The following MACF1 variants were observed in gnomAD, a reference collection of about 807,000 sequenced individuals.
MACF1 encodes the protein microtubule-actin cross-linking factor 1.
MACF1 carries 193 observed loss-of-function variants against 854.8 expected under a neutral mutation model. The ratio of observed to expected loss-of-function variants is 0.23; its 90% CI spans 0.20 to 0.25. The LOEUF is 0.25. Ranked by LOEUF, MACF1 falls within the 10% of genes least tolerant of loss-of-function variation. The pLI is 1.00. For synonymous variants in MACF1, 3,185 were observed against 3,226.7 expected (o/e 0.99, Z 0.44); for missense variants, 7,722 against 8,929.1 (o/e 0.86, Z 5.45).
At chr1:39,381,756 G>A (rs549129783) in intron 55 of MACF1, among the ~76,000 whole-genome samples, 197 bp from the exon 56 acceptor site, 100 of 152,226 alleles carry the variant, frequency 6.6e-4, no homozygotes, top group African/African-American at 2.4e-3. Context: ...CTTGGGCCCA[G>A]GAGGTTGAGA....
At chr1:39,133,734 T>C (rs1643079538) in intron 2 of MACF1, among the ~76,000 whole-genome samples, 1 of 152,222 alleles carries the variant, frequency 6.6e-6, no homozygotes, top group Non-Finnish European at 1.5e-5. Flanking sequence ...ATATTTAAGA[T>C]TTACTACTTC....
intron 2 of MACF1, among the ~76,000 whole-genome samples, chr1:39,107,974 G>C (rs957818108): frequency 3.3e-5 from 5 of 152,088 alleles, no homozygotes; most frequent in African/African-American, 1.2e-4. Context: ...TGTGAGGGAA[G>C]CAGAGCTGTG....
chr1:39,292,093 A>G, intron 16 of MACF1, 55 bp downstream of exon 16: 1 of 1,599,474 alleles, frequency 6.3e-7, no homozygotes, highest in Non-Finnish European at 8.5e-7. Context: ...AACGGATGAA[A>G]GGACAGTACA....
At chr1:39,410,338 G>A in intron 58 of MACF1, 1 of 1,613,656 alleles carries the variant, frequency 6.2e-7, no homozygotes, top group Non-Finnish European at 8.5e-7. Flanking sequence ...AGAGGAGGAG[G>A]ATGGCTACAT....
chr1:39,269,735 T>C, intron 6 of MACF1: 1 of 1,281,104 alleles, frequency 7.8e-7, no homozygotes. Context: ...GTGGGCATGT[T>C]CAAGAGATAA....
Position 39,409,092 on chromosome 1 carries a change from G to A in MACF1, c.15817-13282G>A, listed in dbSNP as rs1002148559. ...CCAGCCGAGCACTTCCAGCGAGCTAGCGAGCTAGCGGGTCGCGCTGCGCGG... is the reference window on the plus strand; with the variant it reads ...CCAGCCGAGCACTTCCAGCGAGCTAACGAGCTAGCGGGTCGCGCTGCGCGG... On this transcript the variant is annotated intron_variant, in intron 58 of 100. Transcript: ENST00000564288. This position sits in a 1 kb window ranked among gnomAD's most constrained non-coding sequence, Gnocchi z 4.2. Among the ~76,000 whole-genome samples the A allele has an allele frequency of 7.2e-5, 11 of 151,952 alleles. No homozygotes were observed. Among genetic ancestry groups the A allele is most frequent in the Admixed American group, 3.3e-4 (5 of 15,274 alleles).
Position 39,428,103 on chromosome 1 carries a change from A to T in MACF1, c.16619A>T (p.Glu5540Val). The T allele has an allele frequency of 1.2e-6, 2 of 1,614,212 alleles. No homozygotes were observed. Among genetic ancestry groups the T allele is most frequent in the Non-Finnish European group, 1.7e-6 (2 of 1,180,052 alleles). Residue 5540 changes from glutamate (E) to valine (V), a missense_variant, in exon 63 of 101, where the codon GAA becomes GTA. Coordinates refer to ENST00000564288, the MANE Select transcript of MACF1 (RefSeq NM_001394062.1). ...KIDSLQARYS[E>V]IQDRCCRKAA... ...GACTCATTGCAGGCCCGATACAGTG[A>T]AATTCAAGACCGCTGTTGTCGGAAG...
intron 2 of MACF1, among the ~76,000 whole-genome samples, chr1:39,148,284 T>C (rs1643507756): frequency 6.6e-6 from 1 of 152,230 alleles, no homozygotes; most frequent in Non-Finnish European, 1.5e-5. Context: ...TGTTGGGCTG[T>C]ATATAGAGTT....
Position 39,190,403 on chromosome 1 carries a change from T to TTTG in MACF1, c.221-40777_221-40776insGTT, listed in dbSNP as rs1553160972. On this transcript the variant is annotated intron_variant, in intron 2 of 93. Transcript: ENST00000361689. ...TGTGTGTGTGTGTGTTTGTTTTTGT[T>TTTG]TTTTTTTTTTTTTTTTGATGGAATC... is the stretch of plus-strand genomic sequence containing the variant. Among the ~76,000 whole-genome samples the TTTG allele has an allele frequency of 1.4e-3, 136 of 97,612 alleles. 3 individuals carry two copies. The highest frequency in any genetic ancestry group is 1.8e-3 in the Non-Finnish European group (101 of 54,794). 64.0% of individuals were successfully genotyped at this position (97,612 alleles called of 152,430 possible). A position where few individuals can be genotyped will look rare whatever the true frequency, so the allele number is the denominator to read the frequency against.
At position 39,427,326 on chromosome 1, in the gene MACF1, C is replaced by T. The variant is rs182565622; in HGVS notation, c.16317-129C>T. 5.0e-5 allele frequency: 35 copies of T among 700,708 alleles called. No homozygotes were observed. The East Asian group carries it at 5.6e-4, about 11-fold the overall frequency. The allele number at this position is 700,708 out of a possible 1,614,324, so 43.4% of individuals were successfully genotyped here. On this transcript the variant is annotated intron_variant, in intron 61 of 100. Transcript: ENST00000564288. The stretch of plus-strand genomic sequence containing the variant: ...TTTAAAACATCGAAATGCTACATAA[C>T]GTGTGTTCTGTTTACTATTGGTATT...
chr1:39,287,310 G>A lies in MACF1; in HGVS notation c.1533G>A (p.Leu511=), dbSNP rs1472194703. ...GGGTCATGCGTCTTCAGGATGAGCT[G>A]GTCACCTTGCGTCTAGAGTGTACAA... ...AFRVMRLQDE[L]VTLRLECTNL... is the part of the protein sequence containing the mutation. The change falls in exon 15 of 101, where the codon CTG becomes CTA. Residue 511 remains leucine (L), a synonymous_variant. Transcript: ENST00000564288. 3.1e-6 allele frequency: 5 copies of A among 1,613,906 alleles called. No individual in the cohort carries two copies. The African/African-American group carries it at 5.3e-5, about 17-fold the overall frequency.
chr1:39,435,066 T>C (rs1643943413), intron 69 of MACF1, among the ~76,000 whole-genome samples: 1 of 152,244 alleles, frequency 6.6e-6, no homozygotes, highest in Non-Finnish European at 1.5e-5. Context: ...TTATGGCTTG[T>C]GCTTATTGCT....
chr1:39,463,506 T>C (rs1265864894), intron 93 of MACF1, 106 bp from the exon 94 acceptor site: 14 of 711,362 alleles, frequency 2.0e-5, no homozygotes, highest in Non-Finnish European at 3.3e-5. Flanking sequence ...AAAAAAAAAA[T>C]GTAAATAATG....
chr1:39,420,407 T>C (rs1178423190), intron 58 of MACF1, among the ~76,000 whole-genome samples: 1 of 152,252 alleles, frequency 6.6e-6, no homozygotes. Context: ...GAAACATCTT[T>C]AATGCTACAA....
rs1645594838 is a variant in MACF1, at chr1:39,283,699, A to G, written c.915+184A>G. ...GAGTCTAGATATTGCTAATTTTGTA[A>G]CAATTAGCATAGACTATTTGGTGCT... On this transcript the variant is annotated intron_variant, in intron 9 of 100. Coordinates refer to ENST00000564288, the MANE Select transcript of MACF1 (RefSeq NM_001394062.1). The surrounding 1 kb of genome is among the most constrained non-coding windows in gnomAD (Gnocchi z 4.5). Among the ~76,000 whole-genome samples, 1 of 152,200 alleles carries G rather than the reference A, an allele frequency of 6.6e-6. No individual in the cohort carries two copies. Among genetic ancestry groups the G allele is most frequent in the South Asian group, 2.1e-4 (1 of 4,828 alleles).
chr1:39,438,494 A>C (rs964590675), intron 71 of MACF1, among the ~76,000 whole-genome samples: 3 of 152,242 alleles, frequency 2.0e-5, no homozygotes, highest in African/African-American at 7.2e-5. Context: ...TATATAAATA[A>C]TAGGCCGGAG....
chr1:39,459,440 G>A lies in MACF1; in HGVS notation c.21360+191G>A, dbSNP rs546969054. Among the ~76,000 whole-genome samples, 112 of 152,260 alleles carry A rather than the reference G, an allele frequency of 7.4e-4. 1 individual carries two copies. Among genetic ancestry groups the A allele is most frequent in the Middle Eastern group, 3.4e-3 (1 of 294 alleles). On this transcript the variant is annotated intron_variant, in intron 91 of 100. Transcript: ENST00000564288. The stretch of plus-strand genomic sequence containing the variant: ...GAAAAGACACATGTGTAAGAAAACC[G>A]TTTGTGACAGAGTAGGCTAAAGCTT...
At chr1:39,410,152 G>T in intron 58 of MACF1, 2 of 716,332 alleles carry the variant, frequency 2.8e-6, no homozygotes, top group South Asian at 2.4e-5. Flanking sequence ...AGATGCAATT[G>T]GTGGTTTGGG....
Position 39,297,652 on chromosome 1 carries a change from C to T in MACF1, c.2388C>T (p.Phe796=). 4 of 1,614,184 alleles carry T rather than the reference C, an allele frequency of 2.5e-6. No homozygotes were observed. Among genetic ancestry groups the T allele is most frequent in the Non-Finnish European group, 3.4e-6 (4 of 1,180,024 alleles). The part of the protein sequence containing the change: ...FFSDARELES[F]LRNLQDSIKR... ...GTGATGCACGAGAGCTGGAGTCATT[C>T]TTGAGGAACCTCCAAGATTCCATTA... The change falls in exon 21 of 101, where the codon TTC becomes TTT. Residue 796 remains phenylalanine, a synonymous_variant. Coordinates refer to ENST00000564288, the MANE Select transcript of MACF1 (RefSeq NM_001394062.1).
Sources: allele counts gnomAD v4.1 joint callset (sites outside exome capture counted in the v4.1 genomes callset), GRCh38; gene constraint gnomAD v4.1.1; non-coding constraint Gnocchi (gnomAD v3.1); transcripts MANE v1.5; gene names NCBI Gene and HGNC (gene_info 2026-07-23, HGNC 2026-07-21).